Variants in CDH13 observed in about 807,000 individuals in gnomAD.
CDH13 encodes the protein cadherin-13.
In CDH13, 24 loss-of-function variants were observed where a neutral mutation model predicts 63.8. The ratio of observed to expected loss-of-function variants is 0.38; its 90% CI spans 0.27 to 0.53. The LOEUF is 0.53. Among genes scored for constraint, CDH13 ranks in the 20% least tolerant of loss-of-function variants. The pLI is 0.85. For missense variants in CDH13, 1,049 were observed against 903.1 expected, an observed-to-expected ratio of 1.16 and a Z score of -2.07; for synonymous variants, 503 against 355.3, an observed-to-expected ratio of 1.42 and a Z score of -4.67.
chr16:83,321,727 A>C, intron 5 of CDH13, among the ~76,000 whole-genome samples: 1 of 151,994 alleles, frequency 6.6e-6, no homozygotes, highest in East Asian at 1.9e-4. Flanking sequence ...ACAGGGTTTC[A>C]TCGTGTTAGC....
Position 83,176,235 on chromosome 16 carries a change from C to T in CDH13, c.484-41110C>T, listed in dbSNP as rs544728372. ...ACGTTGTACTTAAAGATTGTGGCTA[C>T]GCTTGGTGGCTCACGCCTGTAATCC... On this transcript the variant is annotated intron_variant, in intron 4 of 13. Coordinates refer to ENST00000567109, the MANE Select transcript of CDH13 (RefSeq NM_001257.5). Among the ~76,000 whole-genome samples, 678 of 151,330 alleles carry T rather than the reference C, an allele frequency of 4.5e-3. 6 individuals are homozygous for T. Among genetic ancestry groups the T allele is most frequent in the African/African-American group, 0.016 (642 of 41,352 alleles).
intron 7 of CDH13, among the ~76,000 whole-genome samples, chr16:83,564,140 C>T (rs1859268084): frequency 1.3e-5 from 2 of 152,196 alleles, no homozygotes; most frequent in South Asian, 4.1e-4. Context: ...AGAGGCACTA[C>T]TAGTATCAGT....
chr16:83,625,799 T>A (rs1910244101), intron 8 of CDH13, among the ~76,000 whole-genome samples: 1 of 152,120 alleles, frequency 6.6e-6, no homozygotes, highest in Non-Finnish European at 1.5e-5. Context: ...AGGAGGTACC[T>A]CAGCCCAAAG....
intron 3 of CDH13, among the ~76,000 whole-genome samples, chr16:83,082,184 C>G (rs1307622114): frequency 2.0e-5 from 3 of 152,332 alleles, no homozygotes; most frequent in East Asian, 3.9e-4. Context: ...GAGGAGGACA[C>G]AGAAGTTCAG....
intron 5 of CDH13, among the ~76,000 whole-genome samples, chr16:83,278,747 T>A (rs1340244093): frequency 6.6e-6 from 1 of 152,212 alleles, no homozygotes; most frequent in Non-Finnish European, 1.5e-5. Flanking sequence ...TGTTAGAGGC[T>A]GGAGCAAACT....
intron 1 of CDH13, among the ~76,000 whole-genome samples, chr16:82,682,695 G>C (rs1157603185): frequency 6.6e-6 from 1 of 152,206 alleles, no homozygotes; most frequent in Non-Finnish European, 1.5e-5. Flanking sequence ...ATTCTTGGAG[G>C]TGGACACAAA....
At chr16:82,677,511 C>G (rs913163240) in intron 1 of CDH13, among the ~76,000 whole-genome samples, 1 of 141,218 alleles carries the variant, frequency 7.1e-6, no homozygotes, top group African/African-American at 2.6e-5. Context: ...CAATGCTGAA[C>G]ACCTTTGAAG....
At chr16:83,251,676 G>C (rs1440481909) in intron 5 of CDH13, among the ~76,000 whole-genome samples, 1 of 152,218 alleles carries the variant, frequency 6.6e-6, no homozygotes, top group Non-Finnish European at 1.5e-5. Flanking sequence ...GTAGGCCTTC[G>C]TTGACAAGCC....
intron 6 of CDH13, among the ~76,000 whole-genome samples, chr16:83,381,235 C>T (rs1219558545): frequency 6.6e-6 from 1 of 152,046 alleles, no homozygotes; most frequent in African/African-American, 2.4e-5. Context: ...TCCCTCCTTG[C>T]CATCTGGAGT....
At chr16:83,686,896 C>T (rs1227123112) in intron 10 of CDH13, among the ~76,000 whole-genome samples, 2 of 152,144 alleles carry the variant, frequency 1.3e-5, no homozygotes, top group African/African-American at 2.4e-5. Flanking sequence ...ACTGCATGCA[C>T]ACATTTTTCT....
intron 2 of CDH13, among the ~76,000 whole-genome samples, chr16:82,869,038 A>G (rs1303029796): frequency 6.6e-6 from 1 of 152,182 alleles, no homozygotes; most frequent in Non-Finnish European, 1.5e-5. Flanking sequence ...TAACTGCTAC[A>G]TTGTGTAATT....
At chr16:83,059,335 C>A (rs1383524774) in intron 3 of CDH13, among the ~76,000 whole-genome samples, 1 of 152,070 alleles carries the variant, frequency 6.6e-6, no homozygotes, top group East Asian at 1.9e-4. Context: ...GTGTTAACTG[C>A]CTTCTGTTTA....
chr16:83,221,017 A>G (rs188512073), intron 5 of CDH13, among the ~76,000 whole-genome samples: 21 of 152,362 alleles, frequency 1.4e-4, no homozygotes, highest in East Asian at 5.8e-4. Flanking sequence ...CATTTCACAG[A>G]TAAGCAAATA....
chr16:83,407,316 T>A (rs1819818121), intron 6 of CDH13, among the ~76,000 whole-genome samples: 1 of 152,234 alleles, frequency 6.6e-6, no homozygotes, highest in South Asian at 2.1e-4. Flanking sequence ...AGTTGAAATA[T>A]TGTTGTAGGT....
At chr16:83,655,342 T>G (rs1912775391) in intron 8 of CDH13, 1 of 152,238 alleles carries the variant, frequency 6.6e-6, no homozygotes, top group South Asian at 2.1e-4. Flanking sequence ...TATCCCCATT[T>G]TACAGATAAG....
chr16:82,640,192 A>G (rs1909220676), intron 1 of CDH13, among the ~76,000 whole-genome samples: 1 of 152,198 alleles, frequency 6.6e-6, no homozygotes, highest in African/African-American at 2.4e-5. Flanking sequence ...GAGCTTGTCC[A>G]CCACACCCTC....
chr16:82,906,835 C>T (rs1432520414), intron 2 of CDH13, among the ~76,000 whole-genome samples: 1 of 152,154 alleles, frequency 6.6e-6, no homozygotes, highest in African/African-American at 2.4e-5. Context: ...CCAACCTCTG[C>T]TTCCATTGTC....
chr16:83,594,622 TA>T (rs1446870898), intron 7 of CDH13, among the ~76,000 whole-genome samples: 10 of 152,074 alleles, frequency 6.6e-5, no homozygotes, highest in Non-Finnish European at 1.5e-4. Flanking sequence ...AGACAAACTG[TA>T]AAGAGAGATG....
rs773543164 is a variant in CDH13 at position 83,779,928 on chromosome 16, T to C, written c.1682-40T>C. On this transcript the variant is annotated intron_variant, in intron 11 of 13. Transcript: ENST00000567109. ...AGTGCTATGGTAAATTGCTCTCGCA[T>C]ATACCAGTTGCATACCAACATCTTC... 17 of 1,386,004 alleles carry C rather than the reference T, an allele frequency of 1.2e-5. 1 individual carries two copies. In the South Asian group the frequency reaches 1.8e-4, roughly 15 times the overall value. The allele number at this position is 1,386,004 out of a possible 1,614,324, so 85.9% of individuals were successfully genotyped here. A position where few individuals can be genotyped will look rare whatever the true frequency, so the allele number is the denominator to read the frequency against.
Sources: allele counts gnomAD v4.1 joint callset (sites outside exome capture counted in the v4.1 genomes callset), GRCh38; gene constraint gnomAD v4.1.1; transcripts MANE v1.5; gene names NCBI Gene and HGNC (gene_info 2026-07-23, HGNC 2026-07-21).